The following FGGY variants were observed in gnomAD, a reference collection of about 807,000 sequenced individuals.
FGGY encodes FGGY carbohydrate kinase domain containing, also known as FGGY carbohydrate kinase domain-containing protein.
Under a neutral mutation model 71.3 loss-of-function variants are expected in FGGY, and 72 were observed. That is an observed-to-expected ratio of 1.01 (90% CI 0.84 to 1.23). FGGY has a LOEUF of 1.23. FGGY is among the 50% of genes most tolerant of loss of function. The pLI, the probability that FGGY is intolerant of heterozygous loss-of-function variation, is 0.00. For missense variants in FGGY, 668 were observed against 682.3 expected (o/e 0.98, Z 0.23); for synonymous variants, 251 against 250.3 (o/e 1.00, Z -0.02).
At chr1:59,354,657 T>C (rs2053943551) in intron 4 of FGGY, among the ~76,000 whole-genome samples, 1 of 152,234 alleles carries the variant, frequency 6.6e-6, no homozygotes, top group Admixed American at 6.5e-5. Context: ...TAAGAAATAC[T>C]GAGTGTCTCC....
chr1:59,711,660 A>G lies in FGGY; in HGVS notation c.1512+37527A>G, dbSNP rs576531949. ...ATCATGGCACAAGGCAAGGAGGAGC[A>G]AGTCACATCTTACATGAATGACGGC... On this transcript the variant is annotated intron_variant, in intron 14 of 15. Transcript: ENST00000303721. Among the ~76,000 whole-genome samples, 11 of 152,310 alleles carry G rather than the reference A, an allele frequency of 7.2e-5. 1 individual carries two copies. Among genetic ancestry groups the G allele is most frequent in the Admixed American group, 6.5e-4 (10 of 15,302 alleles).
chr1:59,564,211 G>C (rs1212896827), intron 8 of FGGY, among the ~76,000 whole-genome samples: 1 of 152,282 alleles, frequency 6.6e-6, no homozygotes, highest in African/African-American at 2.4e-5. Flanking sequence ...AAACTAAAGA[G>C]CATCTGCACA....
intron 11 of FGGY, among the ~76,000 whole-genome samples, chr1:59,656,982 G>C (rs988458371): frequency 6.6e-6 from 1 of 152,172 alleles, no homozygotes; most frequent in African/African-American, 2.4e-5. Context: ...GGAGGCACTG[G>C]AAATTTAGAG....
intron 8 of FGGY, among the ~76,000 whole-genome samples, chr1:59,557,314 C>G (rs572315364): frequency 1.1e-4 from 17 of 152,198 alleles, no homozygotes; most frequent in Non-Finnish European, 2.1e-4. Context: ...TGTCTGCTTA[C>G]TTCTGATGTT....
intron 6 of FGGY, among the ~76,000 whole-genome samples, chr1:59,511,554 C>T (rs2094519080): frequency 6.6e-6 from 1 of 152,174 alleles, no homozygotes; most frequent in Middle Eastern, 3.2e-3. Flanking sequence ...GTCTTCCTAA[C>T]TAGGTTGGGG....
chr1:59,757,650 G>A (rs2098304360), intron 14 of FGGY, among the ~76,000 whole-genome samples: 1 of 152,120 alleles, frequency 6.6e-6, no homozygotes, highest in Admixed American at 6.5e-5. Context: ...TCACAGAACT[G>A]CTTTGCCTTT....
chr1:59,317,026 T>C (rs1331077261), intron 1 of FGGY, among the ~76,000 whole-genome samples: 1 of 152,188 alleles, frequency 6.6e-6, no homozygotes, highest in Admixed American at 6.5e-5. Context: ...CCCCAGCCCC[T>C]GTGCTTCTGT....
At chr1:59,471,226 T>C (rs2092925005) in intron 6 of FGGY, among the ~76,000 whole-genome samples, 1 of 152,190 alleles carries the variant, frequency 6.6e-6, no homozygotes, top group South Asian at 2.1e-4. Flanking sequence ...GTTTGATAAA[T>C]GTTTGGCATT....
intron 14 of FGGY, among the ~76,000 whole-genome samples, chr1:59,678,617 C>T (rs1361520876): frequency 6.6e-6 from 1 of 152,152 alleles, no homozygotes; most frequent in African/African-American, 2.4e-5. Context: ...AAATGGCTCT[C>T]CACTTTCTGT....
At chr1:59,751,842 A>G (rs1429414251) in intron 14 of FGGY, among the ~76,000 whole-genome samples, 1 of 152,246 alleles carries the variant, frequency 6.6e-6, no homozygotes, top group Non-Finnish European at 1.5e-5. Context: ...CATCACGTGC[A>G]AATCCATTGA....
chr1:59,703,632 T>A (rs917676184), intron 14 of FGGY, among the ~76,000 whole-genome samples: 10 of 152,220 alleles, frequency 6.6e-5, no homozygotes, highest in Admixed American at 1.3e-4. Flanking sequence ...CATCTACTTC[T>A]AACTTGCAGA....
chr1:59,728,223 C>G (rs970245142), intron 14 of FGGY, among the ~76,000 whole-genome samples: 1 of 151,922 alleles, frequency 6.6e-6, no homozygotes, highest in Non-Finnish European at 1.5e-5. Context: ...GTAGTAATGT[C>G]CCTAATGTTT....
chr1:59,706,755 C>T (rs1438928112), intron 14 of FGGY, among the ~76,000 whole-genome samples: 1 of 152,164 alleles, frequency 6.6e-6, no homozygotes, highest in Non-Finnish European at 1.5e-5. Flanking sequence ...ACACTCTTAG[C>T]CCTGTGACCT....
chr1:59,442,210 C>A (rs1368452474), intron 5 of FGGY, among the ~76,000 whole-genome samples: 1 of 152,182 alleles, frequency 6.6e-6, no homozygotes, highest in East Asian at 1.9e-4. Flanking sequence ...CTCTCTTCCC[C>A]TGACAGACTG....
chr1:59,621,946 A>G (rs1360783547), intron 9 of FGGY, among the ~76,000 whole-genome samples: 3 of 151,330 alleles, frequency 2.0e-5, no homozygotes, highest in Admixed American at 1.3e-4. Context: ...ACCTTTGGCT[A>G]TTGTCTCCCA....
At chr1:59,549,562 G>A (rs925037382) in intron 7 of FGGY, among the ~76,000 whole-genome samples, 4 of 152,052 alleles carry the variant, frequency 2.6e-5, no homozygotes, top group Non-Finnish European at 5.9e-5. Flanking sequence ...CATATCACAG[G>A]ATTTTCTAAG....
chr1:59,460,241 G>A (rs1265997418), intron 6 of FGGY, among the ~76,000 whole-genome samples: 1 of 152,216 alleles, frequency 6.6e-6, no homozygotes, highest in African/African-American at 2.4e-5. Context: ...CACACCAGGA[G>A]ATTATATCCT....
intron 7 of FGGY, among the ~76,000 whole-genome samples, chr1:59,547,267 T>C (rs2095540992): frequency 6.6e-6 from 1 of 152,158 alleles, no homozygotes; most frequent in Non-Finnish European, 1.5e-5. Flanking sequence ...TTGACTGTTT[T>C]ACTCCCCTTC....
At chr1:59,391,651 A>G (rs190337377) in intron 5 of FGGY, among the ~76,000 whole-genome samples, 1 of 152,306 alleles carries the variant, frequency 6.6e-6, no homozygotes, top group Admixed American at 6.5e-5. Flanking sequence ...GAGAACCACT[A>G]GTCTGAATCT....
Sources: allele counts gnomAD v4.1 joint callset (sites outside exome capture counted in the v4.1 genomes callset), GRCh38; gene constraint gnomAD v4.1.1; transcripts MANE v1.5; gene names NCBI Gene and HGNC (gene_info 2026-07-23, HGNC 2026-07-21).